The following TICAM2 variants were observed in gnomAD, a reference collection of about 807,000 sequenced individuals.
The protein encoded by TICAM2 is TIR domain containing adaptor molecule 2.
Under a neutral mutation model 7.3 loss-of-function variants are expected in TICAM2, and 8 were observed. The ratio of observed to expected loss-of-function variants is 1.10; its 90% CI spans 0.65 to 1.99. The LOEUF (loss-of-function observed/expected upper bound fraction) is 1.99, where lower values mean the gene tolerates loss of function less well. Among genes scored for constraint, TICAM2 ranks in the 30% most tolerant of loss-of-function variants. The pLI, the probability that TICAM2 is intolerant of heterozygous loss-of-function variation, is 0.00. For missense variants in TICAM2, 304 were observed against 278.8 expected, an observed-to-expected ratio of 1.09 and a Z score of -0.65; for synonymous variants, 113 against 99.6, an observed-to-expected ratio of 1.13 and a Z score of -0.80.
At chr5:115,587,038 G>C (rs1755130610) in intron 1 of TICAM2, among the ~76,000 whole-genome samples, 1 of 152,094 alleles carries the variant, frequency 6.6e-6, no homozygotes, top group Non-Finnish European at 1.5e-5. Context: ...GTACCAGAGG[G>C]CAAAGACTGT....
chr5:115,601,439 T>G (rs1755733341), intron 1 of TICAM2, among the ~76,000 whole-genome samples: 1 of 152,186 alleles, frequency 6.6e-6, no homozygotes, highest in South Asian at 2.1e-4. Context: ...GGACAAGTTC[T>G]TCTCCTGTGT....
At chr5:115,588,873 C>T (rs185157299) in intron 1 of TICAM2, among the ~76,000 whole-genome samples, 1 of 152,146 alleles carries the variant, frequency 6.6e-6, no homozygotes, top group South Asian at 2.1e-4. Context: ...TGCCAAAAGC[C>T]CCAGGCCAGT....
rs922780968 is a variant in TICAM2 at position 115,591,821 on chromosome 5, A to T, written c.-60+10276T>A. ...AATTAGAAGGTGTAACAAATGTGTA[A>T]ATTGGAGTCCCAAATGAAAAGAGAG... On this transcript the variant is annotated intron_variant, in intron 1 of 1. Transcript: ENST00000427199. Among the ~76,000 whole-genome samples the T allele has an allele frequency of 5.9e-5, 9 of 152,292 alleles. 1 individual carries two copies. The highest frequency in any genetic ancestry group is 4.6e-4 in the Admixed American group (7 of 15,298).
intron 1 of TICAM2, among the ~76,000 whole-genome samples, chr5:115,589,103 T>TTGGAATGCAATGGAA (rs1755214443): frequency 6.6e-6 from 1 of 152,370 alleles, no homozygotes; most frequent in East Asian, 1.9e-4. Context: ...TACATTTTTA[T>TTGGAATGCAATGGAA]TGGAAGGCAG....
intron 1 of TICAM2, 179 bp downstream of exon 1, chr5:115,601,918 G>T (rs1270828679): frequency 1.3e-5 from 2 of 152,234 alleles, no homozygotes; most frequent in African/African-American, 4.8e-5. Flanking sequence ...GCCAAGTGAC[G>T]GAAAGGCCTG....
intron 1 of TICAM2, among the ~76,000 whole-genome samples, chr5:115,596,912 C>T (rs1755534318): frequency 6.6e-6 from 1 of 152,102 alleles, no homozygotes. Context: ...CAGTGAGACT[C>T]CGTCTCAAAA....
At chr5:115,594,140 A>T (rs256945) in intron 1 of TICAM2, among the ~76,000 whole-genome samples, 94,929 of 152,052 alleles carry the variant, frequency 0.62, 30,714 homozygotes, top group African/African-American at 0.81. Flanking sequence ...CTGAAATGTG[A>T]TTCCTCTGAC....
intron 1 of TICAM2, among the ~76,000 whole-genome samples, chr5:115,583,352 A>G (rs540877120): frequency 3.3e-5 from 5 of 152,362 alleles, no homozygotes; most frequent in Admixed American, 6.5e-5. Context: ...AAGAATATGA[A>G]AAACTTCTAG....
chr5:115,579,202 T>C lies in TICAM2; in HGVS notation c.*1347A>G, dbSNP rs1754828207. 6.6e-6 allele frequency: 1 copy of C among 152,626 alleles called. No individual in the cohort carries two copies. Among genetic ancestry groups the C allele is most frequent in the South Asian group, 2.1e-4 (1 of 4,834 alleles). 9.5% of individuals were successfully genotyped at this position (152,626 alleles called of 1,614,324 possible). ...AAAATATCTTTTCATTATAAGCATA[T>C]ATAAAGCCTTCTGCAACTATTACAT... On this transcript the variant is annotated 3_prime_UTR_variant, in exon 2 of 2. Transcript: ENST00000427199.
At chr5:115,587,747 G>A (rs923000475) in intron 1 of TICAM2, among the ~76,000 whole-genome samples, 1 of 152,182 alleles carries the variant, frequency 6.6e-6, no homozygotes, top group East Asian at 1.9e-4. Context: ...GGTGCCCATG[G>A]CTTCCAAGAG....
At chr5:115,582,958 CCACTCCGTCATT>C (rs1280622272) in intron 1 of TICAM2, among the ~76,000 whole-genome samples, 5 of 152,190 alleles carry the variant, frequency 3.3e-5, no homozygotes, top group Non-Finnish European at 7.4e-5. Context: ...AAACTGCTGA[CCACTCCGTCATT>C]CACTCTGTCT....
rs947756958 is a variant in TICAM2 at position 115,579,200 on chromosome 5, T to A, written c.*1349A>T. 4.6e-5 allele frequency: 7 copies of A among 152,666 alleles called. No individual in the cohort carries two copies. The highest frequency in any genetic ancestry group is 1.7e-4 in the African/African-American group (7 of 41,472). 9.5% of individuals were successfully genotyped at this position (152,666 alleles called of 1,614,324 possible). A position where few individuals can be genotyped will look rare whatever the true frequency, so the allele number is the denominator to read the frequency against. ...AAAAAATATCTTTTCATTATAAGCA[T>A]ATATAAAGCCTTCTGCAACTATTAC... On this transcript the variant is annotated 3_prime_UTR_variant, in exon 2 of 2. Coordinates refer to ENST00000427199, the MANE Select transcript of TICAM2 (RefSeq NM_021649.7).
chr5:115,581,917 T>G (rs989045780), intron 1 of TICAM2: 1 of 152,460 alleles, frequency 6.6e-6, no homozygotes, highest in African/African-American at 2.4e-5. Flanking sequence ...ATTGTGGTGA[T>G]GGTGAATCTA....
intron 1 of TICAM2, among the ~76,000 whole-genome samples, chr5:115,598,074 A>T (rs1023971006): frequency 6.6e-6 from 1 of 152,224 alleles, no homozygotes; most frequent in African/African-American, 2.4e-5. Context: ...TTGAACAATG[A>T]TCACACAGTC....
chr5:115,599,245 G>A (rs1354149523), intron 1 of TICAM2, among the ~76,000 whole-genome samples: 2 of 152,050 alleles, frequency 1.3e-5, no homozygotes, highest in Admixed American at 6.5e-5. Context: ...CCAAATGTTA[G>A]ATTATTGCTT....
At chr5:115,581,406 A>G in intron 1 of TICAM2, 91 bp from the exon 2 acceptor site, 1 of 1,377,188 alleles carries the variant, frequency 7.3e-7, no homozygotes, top group Non-Finnish European at 9.7e-7. Context: ...GCTCAAAAAG[A>G]TTATAATAGA....
chr5:115,600,418 G>A (rs1755679733), intron 1 of TICAM2, among the ~76,000 whole-genome samples: 1 of 152,148 alleles, frequency 6.6e-6, no homozygotes, highest in African/African-American at 2.4e-5. Flanking sequence ...TATGGCTTGG[G>A]ATACAAATTG....
chr5:115,595,246 A>G (rs1755465352), intron 1 of TICAM2, among the ~76,000 whole-genome samples: 1 of 152,114 alleles, frequency 6.6e-6, no homozygotes, highest in Non-Finnish European at 1.5e-5. Flanking sequence ...TTCCTCCTCA[A>G]TCTTCTCTGC....
chr5:115,600,432 T>C (rs953122464), intron 1 of TICAM2, among the ~76,000 whole-genome samples: 2 of 152,124 alleles, frequency 1.3e-5, no homozygotes, highest in African/African-American at 4.8e-5. Context: ...CAAATTGTCC[T>C]GGGGGAAAGT....
Sources: allele counts gnomAD v4.1 joint callset (sites outside exome capture counted in the v4.1 genomes callset), GRCh38; gene constraint gnomAD v4.1.1; transcripts MANE v1.5; gene names NCBI Gene and HGNC (gene_info 2026-07-23, HGNC 2026-07-21).